Variants in DTL observed in about 807,000 individuals in gnomAD.
DTL encodes the protein denticleless protein homolog.
Under a neutral mutation model 87.0 loss-of-function variants are expected in DTL, and 46 were observed. The observed-to-expected ratio is 0.53, with a 90% confidence interval of 0.42 to 0.68. The LOEUF is 0.68. Ranked by LOEUF, DTL falls within the 30% of genes least tolerant of loss-of-function variation. The pLI, the probability that DTL is intolerant of heterozygous loss-of-function variation, is 0.00. For synonymous variants in DTL, 308 were observed against 311.2 expected, an observed-to-expected ratio of 0.99 and a Z score of 0.11; for missense variants, 737 against 869.4, an observed-to-expected ratio of 0.85 and a Z score of 1.91.
rs370574781 is a variant in DTL, at chr1:212,054,915, G to A, written c.460+7498G>A. Among the ~76,000 whole-genome samples the A allele has an allele frequency of 5.3e-5, 8 of 151,864 alleles. No individual in the cohort carries two copies. The East Asian group carries it at 1.5e-3, about 29-fold the overall frequency. ...CCAACAAAAGGGGAAAAATGAACCCGAGTGACATTCTGTACAACCAAAGCT... is the reference window on the plus strand; with the variant it reads ...CCAACAAAAGGGGAAAAATGAACCCAAGTGACATTCTGTACAACCAAAGCT... On this transcript the variant is annotated intron_variant, in intron 5 of 14. Transcript: ENST00000366991.
chr1:212,074,733 T>C (rs1428632038), intron 11 of DTL, among the ~76,000 whole-genome samples: 1 of 152,100 alleles, frequency 6.6e-6, no homozygotes, highest in Non-Finnish European at 1.5e-5. Context: ...TTCTACGTGT[T>C]CAAAAAGTCA....
At chr1:212,079,761 A>G (rs577669617) in intron 12 of DTL, among the ~76,000 whole-genome samples, 1 of 152,220 alleles carries the variant, frequency 6.6e-6, no homozygotes, top group African/African-American at 2.4e-5. Flanking sequence ...CAAACATTTC[A>G]TATTGAACAG....
At chr1:212,083,065 C>T (rs1409352305) in intron 13 of DTL, among the ~76,000 whole-genome samples, 1 of 152,158 alleles carries the variant, frequency 6.6e-6, no homozygotes, top group Non-Finnish European at 1.5e-5. Flanking sequence ...AGTCCATTTT[C>T]ACACTGCTGA....
At chr1:212,093,501 G>A (rs941057317) in intron 13 of DTL, among the ~76,000 whole-genome samples, 1 of 152,222 alleles carries the variant, frequency 6.6e-6, no homozygotes, top group African/African-American at 2.4e-5. Context: ...TTCCGCGGAT[G>A]GGGGAGCCAG....
At chr1:212,076,044 TACTC>T (rs1242966972) in intron 11 of DTL, among the ~76,000 whole-genome samples, 3 of 152,230 alleles carry the variant, frequency 2.0e-5, no homozygotes, top group African/African-American at 2.4e-5. Flanking sequence ...TGTCAGTACT[TACTC>T]CTTTTTATGA....
intron 6 of DTL, 41 bp downstream of exon 6, chr1:212,062,990 C>T (rs1277289963): frequency 6.8e-7 from 1 of 1,465,840 alleles, no homozygotes; most frequent in Non-Finnish European, 9.6e-7. Context: ...TTTGGGATTA[C>T]CCTGTACTTA....
At chr1:212,074,187 G>A (rs1405775358) in intron 11 of DTL, among the ~76,000 whole-genome samples, 2 of 151,284 alleles carry the variant, frequency 1.3e-5, no homozygotes, top group Admixed American at 6.6e-5. Flanking sequence ...CATGTGTGTT[G>A]TATAGTTTCT....
At chr1:212,083,174 A>AAGG (rs1333160636) in intron 13 of DTL, among the ~76,000 whole-genome samples, 1 of 152,228 alleles carries the variant, frequency 6.6e-6, no homozygotes, top group African/African-American at 2.4e-5. Flanking sequence ...GGCAGAAGGC[A>AAGG]AGGAGGAGCA....
intron 2 of DTL, among the ~76,000 whole-genome samples, chr1:212,043,542 A>G (rs984259483): frequency 6.6e-6 from 1 of 152,162 alleles, no homozygotes; most frequent in African/African-American, 2.4e-5. Context: ...TAGGACGCCA[A>G]GGTAGGTCTG....
At chr1:212,061,814 G>A (rs188660582) in intron 5 of DTL, among the ~76,000 whole-genome samples, 27 of 152,314 alleles carry the variant, frequency 1.8e-4, no homozygotes, top group Non-Finnish European at 3.1e-4. Context: ...GTATCATGGA[G>A]GTAGAGAGTA....
chr1:212,096,362 TC>T (rs1406054392), intron 13 of DTL, among the ~76,000 whole-genome samples: 1 of 152,126 alleles, frequency 6.6e-6, no homozygotes, highest in East Asian at 1.9e-4. Flanking sequence ...TGTTGTTGTT[TC>T]ATTTTTATTA....
chr1:212,044,724 A>G lies in DTL; in HGVS notation c.243A>G (p.Thr81=). The G allele has an allele frequency of 6.2e-7, 1 of 1,613,068 alleles. No individual in the cohort carries two copies. The highest frequency in any genetic ancestry group is 8.5e-7 in the Non-Finnish European group (1 of 1,179,394). ...AAGGCTTTGTTCGATTGTATAACAC[A>G]GAATCACAAAGTTTCAGAAAGAAGT... The part of the protein sequence containing the change: ...NEEGFVRLYN[T]ESQSFRKKCF... The change falls in exon 3 of 15, where the codon ACA becomes ACG. Residue 81 remains threonine (T), a synonymous_variant. Transcript: ENST00000366991.
intron 5 of DTL, among the ~76,000 whole-genome samples, chr1:212,058,235 A>G (rs1483079358): frequency 6.6e-6 from 1 of 152,202 alleles, no homozygotes; most frequent in African/African-American, 2.4e-5. Flanking sequence ...CATTTCATCC[A>G]ACAGCTACAG....
chr1:212,037,309 C>T (rs906147796), intron 1 of DTL, among the ~76,000 whole-genome samples: 1 of 152,172 alleles, frequency 6.6e-6, no homozygotes, highest in African/African-American at 2.4e-5. Flanking sequence ...GAAATTCATT[C>T]GTTATTATAT....
chr1:212,085,973 T>G (rs1035440326), intron 13 of DTL, among the ~76,000 whole-genome samples: 4 of 152,242 alleles, frequency 2.6e-5, no homozygotes, highest in Admixed American at 2.0e-4. Context: ...ACTTCTCAAT[T>G]CCATTGATCT....
chr1:212,046,657 A>G (rs994477389), intron 3 of DTL, among the ~76,000 whole-genome samples: 7 of 152,222 alleles, frequency 4.6e-5, no homozygotes, highest in Non-Finnish European at 1.0e-4. Context: ...TCCACAGTGT[A>G]TATGTACCAC....
At chr1:212,101,176 A>T (rs1327594957) in intron 14 of DTL, 92 bp downstream of exon 14, 394 of 671,218 alleles carry the variant, frequency 5.9e-4, no homozygotes, top group Non-Finnish European at 7.8e-4. Flanking sequence ...TTTTTTTTTT[A>T]AAGAAAGAAA....
intron 1 of DTL, among the ~76,000 whole-genome samples, chr1:212,042,004 T>A (rs1460256978): frequency 6.6e-6 from 1 of 152,210 alleles, no homozygotes; most frequent in Non-Finnish European, 1.5e-5. Context: ...AGATGTATTC[T>A]CCACATAGTA....
In DTL at chr1:212,035,780, A is replaced by C. The variant is rs201537406; in HGVS notation, c.-111A>C. 1.0e-6 allele frequency: 1 copy of C among 993,406 alleles called. No homozygotes were observed. The highest frequency in any genetic ancestry group is 1.5e-6 in the Non-Finnish European group (1 of 659,610). 61.5% of individuals were successfully genotyped at this position (993,406 alleles called of 1,614,324 possible). A position where few individuals can be genotyped will look rare whatever the true frequency, so the allele number is the denominator to read the frequency against. ...GGCGGCCGGGGCTTACAGTGGCGGG[A>C]GTTGGAGGCGATAACGATTTGTGTT... On this transcript the variant is annotated 5_prime_UTR_variant, in exon 1 of 15. Coordinates refer to ENST00000366991, the MANE Select transcript of DTL (RefSeq NM_016448.4).
Sources: gnomAD v4.1 joint callset for allele counts (sites outside exome capture counted in the v4.1 genomes callset) on GRCh38, gnomAD v4.1.1 for gene constraint, MANE v1.5 for transcripts, NCBI Gene and HGNC (gene_info 2026-07-23, HGNC 2026-07-21) for gene names.